Variants in RIC8B observed in about 807,000 individuals in gnomAD.
The protein encoded by RIC8B is chaperone Ric-8B.
In RIC8B, 16 loss-of-function variants were observed where a neutral mutation model predicts 57.5. That is an observed-to-expected ratio of 0.28 (90% confidence interval 0.19 to 0.42). RIC8B has a LOEUF of 0.42. RIC8B is among the 10% of genes least tolerant of loss of function. The pLI is 1.00. For missense variants in RIC8B, 481 were observed against 677.0 expected (o/e 0.71, Z 3.21); for synonymous variants, 216 against 250.8 (o/e 0.86, Z 1.31).
intron 2 of RIC8B, among the ~76,000 whole-genome samples, chr12:106,803,786 A>C (rs1470223675): frequency 6.6e-6 from 1 of 152,200 alleles, no homozygotes; most frequent in African/African-American, 2.4e-5. Flanking sequence ...CTACATGTGG[A>C]CTTATTTCAA....
intron 3 of RIC8B, among the ~76,000 whole-genome samples, chr12:106,817,655 T>A (rs1384737683): frequency 6.9e-6 from 1 of 144,664 alleles, no homozygotes; most frequent in Non-Finnish European, 1.5e-5. Context: ...CCGTCTCTAC[T>A]AAAAAAAAAA....
intron 7 of RIC8B, among the ~76,000 whole-genome samples, chr12:106,858,554 G>A (rs1444397658): frequency 6.6e-6 from 1 of 151,878 alleles, no homozygotes; most frequent in Non-Finnish European, 1.5e-5. Flanking sequence ...TACATCTTGG[G>A]GAGGCACTGA....
chr12:106,824,907 CAAAAAA>C (rs975951710), intron 3 of RIC8B, among the ~76,000 whole-genome samples: 1 of 140,480 alleles, frequency 7.1e-6, no homozygotes, highest in East Asian at 2.0e-4. Context: ...AACTCCATCT[CAAAAAA>C]AAAAAGAAAA....
At chr12:106,784,245 G>A (rs188690766) in intron 2 of RIC8B, among the ~76,000 whole-genome samples, 3 of 152,228 alleles carry the variant, frequency 2.0e-5, no homozygotes, top group East Asian at 1.9e-4. Context: ...CTTTGTCCTC[G>A]CAGGACTATT....
chr12:106,885,811 T>G, intron 9 of RIC8B, 93 bp from the exon 10 acceptor site: 1 of 784,442 alleles, frequency 1.3e-6, no homozygotes, highest in Non-Finnish European at 2.0e-6. Flanking sequence ...AGACTTTTCT[T>G]TTTAAAAGGT....
intron 7 of RIC8B, among the ~76,000 whole-genome samples, chr12:106,859,275 A>G (rs1457927058): frequency 6.6e-6 from 1 of 152,132 alleles, no homozygotes; most frequent in African/African-American, 2.4e-5. Flanking sequence ...GCTGCCAGTT[A>G]TTGCTTAGTA....
rs1436063519 is a variant in RIC8B, at chr12:106,842,602, C to T, written c.850C>T (p.Leu284Phe). 6.2e-7 allele frequency: 1 copy of T among 1,612,340 alleles called. No individual in the cohort carries two copies. The highest frequency in any genetic ancestry group is 8.5e-7 in the Non-Finnish European group (1 of 1,178,960). ...TEELHSNAVN[L>F]LSNVPVSCLD... ...ATTGCTTTTCAGCAATGCAGTCAAC[C>T]TTTTAAGCAATGTTCCAGTCTCTTG... Residue 284 changes from leucine to phenylalanine, a missense_variant, in exon 5 of 10, where the codon CTT (leucine) becomes TTT (phenylalanine). Physicochemically the swap from Leu to Phe is conservative, Grantham distance 22. Transcript: ENST00000392837.
In RIC8B at chr12:106,830,707, C is replaced by T. The variant is rs538570086; in HGVS notation, c.836+4887C>T. 4.6e-5 allele frequency among the ~76,000 whole-genome samples: 7 copies of T among 152,282 alleles called. No homozygotes were observed. In the South Asian group the frequency reaches 6.2e-4, roughly 14 times the overall value. On this transcript the variant is annotated intron_variant, in intron 4 of 9. Coordinates refer to ENST00000392837, the MANE Select transcript of RIC8B (RefSeq NM_001330145.2). ...ACTTCACAATGCATACCTGGAGGAACATGGAGACTAAATTCCCAGACTGCC... is the reference window on the plus strand; with the variant it reads ...ACTTCACAATGCATACCTGGAGGAATATGGAGACTAAATTCCCAGACTGCC...
chr12:106,776,414 G>C (rs1254529391), intron 1 of RIC8B, among the ~76,000 whole-genome samples: 1 of 152,202 alleles, frequency 6.6e-6, no homozygotes, highest in East Asian at 1.9e-4. Context: ...GAAATGCAAA[G>C]AGAACTTGGC....
intron 6 of RIC8B, among the ~76,000 whole-genome samples, chr12:106,844,204 G>A (rs148350541): frequency 9.0e-4 from 137 of 152,282 alleles, no homozygotes; most frequent in African/African-American, 3.2e-3. Context: ...AGTTTATTTT[G>A]TAGAGAGGGG....
chr12:106,776,392 T>C (rs990177142), intron 1 of RIC8B, among the ~76,000 whole-genome samples: 3 of 152,230 alleles, frequency 2.0e-5, no homozygotes, highest in Admixed American at 6.5e-5. Flanking sequence ...TCAAACTGAT[T>C]TTCAGAAGCA....
chr12:106,871,015 T>TACCATAGAACAGCA (rs1593374312), intron 9 of RIC8B, 73 bp downstream of exon 9: 13 of 1,437,466 alleles, frequency 9.0e-6, no homozygotes, highest in Non-Finnish European at 1.2e-5. Flanking sequence ...CACTGAGAGT[T>TACCATAGAACAGCA]ACCATAGAAC....
chr12:106,832,944 CTCT>C (rs2046420338), intron 4 of RIC8B, among the ~76,000 whole-genome samples: 1 of 152,138 alleles, frequency 6.6e-6, no homozygotes, highest in Admixed American at 6.5e-5. Flanking sequence ...GTTCTTCAGT[CTCT>C]TCTTTGGGCT....
chr12:106,872,442 G>A (rs184541476), intron 9 of RIC8B, among the ~76,000 whole-genome samples: 35 of 152,308 alleles, frequency 2.3e-4, no homozygotes, highest in Admixed American at 5.9e-4. Context: ...GCTGAGGCAG[G>A]TGGATCACCT....
At chr12:106,802,167 G>A (rs2044761529) in intron 2 of RIC8B, among the ~76,000 whole-genome samples, 1 of 152,190 alleles carries the variant, frequency 6.6e-6, no homozygotes, top group South Asian at 2.1e-4. Context: ...TGTAAGTTAT[G>A]TATTGTGATT....
At chr12:106,853,369 A>T (rs1949556239) in intron 7 of RIC8B, among the ~76,000 whole-genome samples, 1 of 148,472 alleles carries the variant, frequency 6.7e-6, no homozygotes, top group Admixed American at 6.7e-5. Flanking sequence ...ATTTAGTTTC[A>T]TAGTCCTGTC....
chr12:106,784,260 C>G (rs1398491693), intron 2 of RIC8B, among the ~76,000 whole-genome samples: 1 of 152,202 alleles, frequency 6.6e-6, no homozygotes, highest in Non-Finnish European at 1.5e-5. Flanking sequence ...ACTATTAACA[C>G]TTGTATAAAT....
rs1377496031 is a variant in RIC8B at position 106,879,343 on chromosome 12, G to A, written c.1572-6561G>A. The A allele has an allele frequency of 6.1e-6, 6 of 985,130 alleles. No individual in the cohort carries two copies. Among genetic ancestry groups the A allele is most frequent in the Non-Finnish European group, 7.2e-6 (6 of 829,904 alleles). The allele number at this position is 985,130 out of a possible 1,614,324, so 61.0% of individuals were successfully genotyped here. On this transcript the variant is annotated intron_variant, in intron 9 of 9. Coordinates refer to ENST00000392837, the MANE Select transcript of RIC8B (RefSeq NM_001330145.2). The surrounding 1 kb of genome is among the most constrained non-coding windows in gnomAD (Gnocchi z 4.9). The stretch of plus-strand genomic sequence containing the variant: ...ACGTCTGACCTATTCTATATTGTGC[G>A]ATTGGGTATGTTAGTATCTGAACCC...
At chr12:106,859,433 T>A (rs1042577556) in intron 7 of RIC8B, among the ~76,000 whole-genome samples, 1 of 152,092 alleles carries the variant, frequency 6.6e-6, no homozygotes, top group African/African-American at 2.4e-5. Context: ...GAACCAAACT[T>A]TTCATTAGGC....
Sources: allele counts gnomAD v4.1 joint callset (sites outside exome capture counted in the v4.1 genomes callset), GRCh38; gene constraint gnomAD v4.1.1; non-coding constraint Gnocchi (gnomAD v3.1); transcripts MANE v1.5; gene names NCBI Gene and HGNC (gene_info 2026-07-23, HGNC 2026-07-21).